The following EPN2 variants were observed in gnomAD, a reference collection of about 807,000 sequenced individuals.
The protein encoded by EPN2 is epsin-2.
Under a neutral mutation model 61.7 loss-of-function variants are expected in EPN2, and 34 were observed. The observed-to-expected ratio is 0.55, with a 90% CI of 0.42 to 0.73. EPN2 has a LOEUF of 0.73. EPN2 is among the 30% of genes least tolerant of loss of function. The probability of loss-of-function intolerance (pLI) is 0.00; values close to 1 mark genes in which losing one functional copy is unlikely to be tolerated. For synonymous variants in EPN2, 349 were observed against 353.6 expected, an observed-to-expected ratio of 0.99 and a Z score of 0.15; for missense variants, 714 against 839.2, an observed-to-expected ratio of 0.85 and a Z score of 1.84.
intron 7 of EPN2, among the ~76,000 whole-genome samples, chr17:19,316,350 G>A (rs1381047400): frequency 6.6e-6 from 1 of 152,244 alleles, no homozygotes; most frequent in Non-Finnish European, 1.5e-5. Flanking sequence ...CACTTGCCCA[G>A]CCTAGGACCT....
In EPN2 at chr17:19,281,971, G is replaced by A. The variant is rs542075072; in HGVS notation, c.-277G>A. On this transcript the variant is annotated 5_prime_UTR_variant, in exon 2 of 11. Coordinates refer to ENST00000314728, the MANE Select transcript of EPN2 (RefSeq NM_014964.5). ...ATTTAACAGTGTTCATTTCTGTGTC[G>A]GGCACAGTGCTAAGTGCTGGGTGCT... 2.6e-5 allele frequency: 4 copies of A among 152,230 alleles called. No homozygotes were observed. Among genetic ancestry groups the A allele is most frequent in the South Asian group, 4.1e-4 (2 of 4,824 alleles). 9.4% of individuals were successfully genotyped at this position (152,230 alleles called of 1,614,324 possible). A position where few individuals can be genotyped will look rare whatever the true frequency, so the allele number is the denominator to read the frequency against.
At chr17:19,324,433 A>T (rs1906774593) in intron 7 of EPN2, among the ~76,000 whole-genome samples, 2 of 152,194 alleles carry the variant, frequency 1.3e-5, no homozygotes, top group South Asian at 4.1e-4. Flanking sequence ...TCCCGGGTTC[A>T]AGCAATTCTC....
chr17:19,284,245 C>G (rs1335196857), intron 3 of EPN2, among the ~76,000 whole-genome samples: 15 of 152,240 alleles, frequency 9.9e-5, no homozygotes, highest in Admixed American at 9.2e-4. Flanking sequence ...CCCTGCCAAA[C>G]ATGCAAATGA....
At chr17:19,295,379 C>CGCGA in intron 4 of EPN2, among the ~76,000 whole-genome samples, 1 of 151,180 alleles carries the variant, frequency 6.6e-6, no homozygotes, top group East Asian at 1.9e-4. Context: ...CGCGTGCGCG[C>CGCGA]AAAATAGCCA....
intron 1 of EPN2, among the ~76,000 whole-genome samples, chr17:19,243,387 T>A (rs1427387393): frequency 8.1e-6 from 1 of 122,724 alleles, no homozygotes; most frequent in Non-Finnish European, 1.7e-5. Context: ...CTGGCTAATT[T>A]TTTTTTTTTT....
intron 1 of EPN2, among the ~76,000 whole-genome samples, chr17:19,241,564 G>C (rs1026870704): frequency 1.5e-5 from 2 of 133,924 alleles, no homozygotes; most frequent in African/African-American, 5.7e-5. Context: ...CCAGCTTGGC[G>C]ACAGAGCAAG....
chr17:19,290,052 A>G (rs1438570580), intron 4 of EPN2, among the ~76,000 whole-genome samples: 1 of 152,074 alleles, frequency 6.6e-6, no homozygotes, highest in African/African-American at 2.4e-5. Flanking sequence ...GTGGTCTTGT[A>G]ATTTCAGACA....
chr17:19,315,423 G>A (rs1906339771), intron 7 of EPN2, among the ~76,000 whole-genome samples: 1 of 152,146 alleles, frequency 6.6e-6, no homozygotes. Flanking sequence ...CTTCACCTAG[G>A]AATGCTGCCC....
At position 19,313,106 on chromosome 17, in the gene EPN2, A is replaced by C; in HGVS notation, c.974A>C (p.His325Pro). 1.9e-6 allele frequency: 3 copies of C among 1,613,256 alleles called. No individual in the cohort carries two copies. The highest frequency in any genetic ancestry group is 2.5e-6 in the Non-Finnish European group (3 of 1,179,580). The part of the protein sequence containing the change: ...DTVKIPKKKE[H>P]GSLPQQTTLL... ...GTCCCCTTCTCTTTGTCTTAAAAGC[A>C]TGGCTCTCTCCCACAGCAGACTACG... is the stretch of plus-strand genomic sequence containing the variant. The change falls in exon 7 of 11, where the codon CAT becomes CCT. Residue 325 changes from histidine to proline, a missense_variant and splice_region_variant. By Grantham distance (77) the His-to-Pro change is moderately conservative. Coordinates refer to ENST00000314728, the MANE Select transcript of EPN2 (RefSeq NM_014964.5).
intron 4 of EPN2, among the ~76,000 whole-genome samples, chr17:19,299,067 TG>T (rs1193979233): frequency 6.6e-6 from 1 of 152,206 alleles, no homozygotes; most frequent in East Asian, 1.9e-4. Flanking sequence ...CCAAACAGAC[TG>T]TTTCCAAACA....
At chr17:19,295,921 G>A (rs900882974) in intron 4 of EPN2, among the ~76,000 whole-genome samples, 5 of 152,092 alleles carry the variant, frequency 3.3e-5, no homozygotes, top group Non-Finnish European at 7.3e-5. Context: ...TCAACTCATG[G>A]CCCGTAGCAG....
chr17:19,309,846 C>T (rs775952637), intron 4 of EPN2, 39 bp from the exon 5 acceptor site: 1 of 1,543,310 alleles, frequency 6.5e-7, no homozygotes, highest in South Asian at 1.1e-5. Context: ...CTGTATCAGC[C>T]TTGTCTTTTG....
chr17:19,329,365 TC>T, intron 8 of EPN2, 195 bp from the exon 9 acceptor site: 1 of 540,654 alleles, frequency 1.8e-6, no homozygotes, highest in Non-Finnish European at 3.3e-6. Context: ...GAGGCCAGGC[TC>T]CCTGTCTCCC....
intron 1 of EPN2, among the ~76,000 whole-genome samples, chr17:19,281,169 A>C (rs1186398514): frequency 6.6e-6 from 1 of 152,098 alleles, no homozygotes; most frequent in Non-Finnish European, 1.5e-5. Context: ...CATTATGGAG[A>C]CATGATTGAC....
At chr17:19,293,788 T>C (rs1415946557) in intron 4 of EPN2, among the ~76,000 whole-genome samples, 1 of 151,906 alleles carries the variant, frequency 6.6e-6, no homozygotes, top group East Asian at 1.9e-4. Context: ...GTTCTCAGAA[T>C]TGAAACAGTG....
intron 7 of EPN2, among the ~76,000 whole-genome samples, chr17:19,319,628 G>A (rs1309252911): frequency 6.6e-6 from 1 of 150,920 alleles, no homozygotes; most frequent in Non-Finnish European, 1.5e-5. Flanking sequence ...ACCTCGCCTG[G>A]CCCCTTTTTT....
At chr17:19,269,875 C>G (rs965048051) in intron 1 of EPN2, among the ~76,000 whole-genome samples, 7 of 152,172 alleles carry the variant, frequency 4.6e-5, no homozygotes, top group Non-Finnish European at 7.3e-5. Context: ...ACAGTTGTTT[C>G]CATGCCATCT....
At chr17:19,263,402 A>AGGATAGAAATTAC (rs2045164594) in intron 1 of EPN2, among the ~76,000 whole-genome samples, 1 of 152,234 alleles carries the variant, frequency 6.6e-6, no homozygotes, top group African/African-American at 2.4e-5. Flanking sequence ...AGGGAGTTCC[A>AGGATAGAAATTAC]GGATAGAAAT....
At position 19,308,527 on chromosome 17, in the gene EPN2, G is replaced by A. The variant is rs140743501; in HGVS notation, c.767-1358G>A. The A allele has an allele frequency of 1.1e-5, 11 of 985,452 alleles. No homozygotes were observed. In the African/African-American group the frequency reaches 1.9e-4, roughly 17 times the overall value. The allele number at this position is 985,452 out of a possible 1,614,324, so 61.0% of individuals were successfully genotyped here. ...GGGGTGAGTGCTACAAGGGAGAGGTGCAGAGGTGCAGAGTCTGACACAGCA... is the reference window on the plus strand; with the variant it reads ...GGGGTGAGTGCTACAAGGGAGAGGTACAGAGGTGCAGAGTCTGACACAGCA... On this transcript the variant is annotated intron_variant, in intron 4 of 10. Coordinates refer to ENST00000314728, the MANE Select transcript of EPN2 (RefSeq NM_014964.5).
Sources: gnomAD v4.1 joint callset for allele counts (sites outside exome capture counted in the v4.1 genomes callset) on GRCh38, gnomAD v4.1.1 for gene constraint, MANE v1.5 for transcripts, NCBI Gene and HGNC (gene_info 2026-07-23, HGNC 2026-07-21) for gene names.